APBA2: variants seen among roughly 807,000 people sequenced by gnomAD.
APBA2 encodes the protein amyloid beta precursor protein binding family A member 2.
Under a neutral mutation model 75.0 loss-of-function variants are expected in APBA2, and 30 were observed. The ratio of observed to expected loss-of-function variants is 0.40; its 90% CI spans 0.30 to 0.54. APBA2 has a LOEUF of 0.54. Ranked by LOEUF, APBA2 falls within the 20% of genes least tolerant of loss-of-function variation. The probability of loss-of-function intolerance (pLI) is 0.49; values close to 1 mark genes in which losing one functional copy is unlikely to be tolerated. For missense variants in APBA2, 801 were observed against 1,016.1 expected (o/e 0.79, Z 2.88); for synonymous variants, 444 against 409.6 (o/e 1.08, Z -1.01).
chr15:29,000,005 A>C (rs1051334965), intron 3 of APBA2, among the ~76,000 whole-genome samples: 5 of 151,994 alleles, frequency 3.3e-5, no homozygotes, highest in African/African-American at 1.2e-4. Context: ...AGTGAATTCA[A>C]CCCTCCTCTG....
intron 3 of APBA2, among the ~76,000 whole-genome samples, chr15:28,996,495 T>C (rs1296938096): frequency 6.6e-6 from 1 of 152,116 alleles, no homozygotes; most frequent in Non-Finnish European, 1.5e-5. Flanking sequence ...GCCAGCCGAG[T>C]GTTCCACACA....
At chr15:28,923,506 C>A (rs2034087120) in intron 2 of APBA2, among the ~76,000 whole-genome samples, 1 of 150,912 alleles carries the variant, frequency 6.6e-6, no homozygotes. Context: ...AACAAGCATC[C>A]CCAGACCTGA....
rs1224339619 is a variant in APBA2, at chr15:28,991,433, TGTG to T, written c.-94-4319_-94-4317del. ...GGCGTCCTTGTGCCGGAGCTCACCT[TGTG>T]CCGGAGCTCACCTTGTGCCAGGTGT... On this transcript the variant is annotated intron_variant, in intron 2 of 14. Transcript: ENST00000683413. This position sits in a 1 kb window ranked among gnomAD's most constrained non-coding sequence, Gnocchi z 4.7. Among the ~76,000 whole-genome samples the T allele has an allele frequency of 2.6e-5, 4 of 152,114 alleles. No homozygotes were observed. Among genetic ancestry groups the T allele is most frequent in the African/African-American group, 9.7e-5 (4 of 41,378 alleles).
chr15:28,928,554 A>G (rs1036613313), intron 2 of APBA2, among the ~76,000 whole-genome samples: 10 of 152,104 alleles, frequency 6.6e-5, no homozygotes, highest in African/African-American at 2.4e-4. Flanking sequence ...TGTGACTGTC[A>G]CAGATGTTTC....
intron 4 of APBA2, among the ~76,000 whole-genome samples, chr15:29,059,153 C>T (rs1192900589): frequency 6.6e-6 from 1 of 152,176 alleles, no homozygotes; most frequent in African/African-American, 2.4e-5. Flanking sequence ...TGTTTCAGCT[C>T]TCATACTGTA....
intron 14 of APBA2, among the ~76,000 whole-genome samples, chr15:29,115,931 C>G (rs1010916795): frequency 2.0e-5 from 3 of 152,110 alleles, no homozygotes; most frequent in Admixed American, 6.5e-5. Context: ...GTGGGGAGGC[C>G]AGCATGCCTG....
chr15:29,070,820 G>A, intron 4 of APBA2: 1 of 291,878 alleles, frequency 3.4e-6, no homozygotes, highest in Non-Finnish European at 6.7e-6. Flanking sequence ...AGAAGTCCCT[G>A]TTGAAATATC....
At chr15:28,889,317 C>T (rs1466212271) in intron 1 of APBA2, among the ~76,000 whole-genome samples, 1 of 152,212 alleles carries the variant, frequency 6.6e-6, no homozygotes, top group Non-Finnish European at 1.5e-5. Context: ...CTGTGGAACC[C>T]TACGTACTGG....
rs2033778101 is a variant in APBA2 at position 28,918,226 on chromosome 15, C to T, written c.-204-3414C>T. On this transcript the variant is annotated intron_variant, in intron 1 of 14. Transcript: ENST00000683413. This position sits in a 1 kb window ranked among gnomAD's most constrained non-coding sequence, Gnocchi z 4.2. The stretch of plus-strand genomic sequence containing the variant: ...GGCACAGGGAGGTGCAGAAGCGTTC[C>T]TGGCGCCACGGAGCCGGTCAGTGAC... 6.6e-6 allele frequency among the ~76,000 whole-genome samples: 1 copy of T among 152,208 alleles called. No homozygotes were observed. Among genetic ancestry groups the T allele is most frequent in the African/African-American group, 2.4e-5 (1 of 41,464 alleles).
chr15:29,043,448 T>C (rs1346349612), intron 3 of APBA2, among the ~76,000 whole-genome samples: 1 of 152,206 alleles, frequency 6.6e-6, no homozygotes, highest in Non-Finnish European at 1.5e-5. Flanking sequence ...CCTGGGCTTT[T>C]TTATGCTTGT....
intron 3 of APBA2, among the ~76,000 whole-genome samples, chr15:29,021,183 A>C (rs2039935836): frequency 6.6e-6 from 1 of 152,190 alleles, no homozygotes. Context: ...CTGACCAAAA[A>C]ATATGAAAGG....
chr15:29,087,462 G>T (rs554842897), intron 6 of APBA2, among the ~76,000 whole-genome samples: 4 of 152,130 alleles, frequency 2.6e-5, no homozygotes, highest in Non-Finnish European at 5.9e-5. Flanking sequence ...TCAACACTGT[G>T]GAACCCCCAA....
Position 29,098,446 on chromosome 15 carries a change from C to T in APBA2, c.1252-44C>T, listed in dbSNP as rs769570511. 50 of 1,397,904 alleles carry T rather than the reference C, an allele frequency of 3.6e-5. No homozygotes were observed. The Middle Eastern group carries it at 5.3e-4, about 15-fold the overall frequency. The allele number at this position is 1,397,904 out of a possible 1,614,324, so 86.6% of individuals were successfully genotyped here. The stretch of plus-strand genomic sequence containing the variant: ...AATGCTATTTGCATGTCCTCTATTC[C>T]GAGTTGGTTTTTGGACTTTAACAAT... On this transcript the variant is annotated intron_variant, in intron 8 of 14. Coordinates refer to ENST00000683413, the MANE Select transcript of APBA2 (RefSeq NM_001353788.2).
intron 3 of APBA2, among the ~76,000 whole-genome samples, chr15:29,053,569 G>A (rs189690621): frequency 6.6e-6 from 1 of 152,232 alleles, no homozygotes; most frequent in South Asian, 2.1e-4. Flanking sequence ...GGAATGAGCC[G>A]GTAGGTTCCT....
chr15:28,909,008 A>G (rs1260564655), intron 1 of APBA2, among the ~76,000 whole-genome samples: 1 of 134,844 alleles, frequency 7.4e-6, no homozygotes, highest in Non-Finnish European at 1.5e-5. Flanking sequence ...TTTTTTTGAG[A>G]CACTGTCTTG....
intron 3 of APBA2, among the ~76,000 whole-genome samples, chr15:29,021,899 T>C (rs1188747414): frequency 6.6e-6 from 1 of 152,210 alleles, no homozygotes; most frequent in African/African-American, 2.4e-5. Flanking sequence ...ATGCGGTATT[T>C]ATCTTTCTGT....
In APBA2 at chr15:29,076,405, C is replaced by T. The variant is rs189609716; in HGVS notation, c.1069+314C>T. On this transcript the variant is annotated intron_variant, in intron 6 of 14. Transcript: ENST00000683413. ...TGTCTTTATAAGCAGCTGGTTATAG[C>T]TAACACTTCTGATCAGGGTGGATAT... 3.8e-3 allele frequency among the ~76,000 whole-genome samples: 568 copies of T among 151,092 alleles called. 3 individuals are homozygous for T. The highest frequency in any genetic ancestry group is 4.9e-3 in the Non-Finnish European group (335 of 67,924).
At chr15:29,093,678 G>A (rs1242018176) in intron 7 of APBA2, among the ~76,000 whole-genome samples, 2 of 152,140 alleles carry the variant, frequency 1.3e-5, no homozygotes, top group Non-Finnish European at 2.9e-5. Context: ...GGGTGAGGCC[G>A]GGCAAGGGGA....
At chr15:28,936,200 C>T (rs1462710276) in intron 2 of APBA2, among the ~76,000 whole-genome samples, 1 of 152,140 alleles carries the variant, frequency 6.6e-6, no homozygotes, top group East Asian at 1.9e-4. Context: ...CCAGTTGTGC[C>T]CCATAGCTGT....
Sources: allele counts gnomAD v4.1 joint callset (sites outside exome capture counted in the v4.1 genomes callset), GRCh38; gene constraint gnomAD v4.1.1; non-coding constraint Gnocchi (gnomAD v3.1); transcripts MANE v1.5; gene names NCBI Gene and HGNC (gene_info 2026-07-23, HGNC 2026-07-21).